DYNC2I2: variants seen among roughly 807,000 people sequenced by gnomAD.
DYNC2I2 encodes cytoplasmic dynein 2 intermediate chain 2.
DYNC2I2 carries 39 observed loss-of-function variants against 52.0 expected under a neutral mutation model. The ratio of observed to expected loss-of-function variants is 0.75; its 90% CI spans 0.58 to 0.98. DYNC2I2 has a LOEUF of 0.98. Ranked by LOEUF, DYNC2I2 falls within the 50% of genes least tolerant of loss-of-function variation. The pLI, the probability that DYNC2I2 is intolerant of heterozygous loss-of-function variation, is 0.00. For missense variants in DYNC2I2, 743 were observed against 728.4 expected, an observed-to-expected ratio of 1.02 and a Z score of -0.23; for synonymous variants, 359 against 321.1, an observed-to-expected ratio of 1.12 and a Z score of -1.26.
intron 1 of DYNC2I2, among the ~76,000 whole-genome samples, chr9:128,645,850 A>G (rs1445034123): frequency 1.3e-5 from 2 of 152,130 alleles, no homozygotes; most frequent in Non-Finnish European, 2.9e-5. Context: ...TAAAAGTGCT[A>G]CTCCAGGGAA....
the DYNC2I2 span, among the ~76,000 whole-genome samples, chr9:128,662,589 A>T: frequency 2.0e-5 from 3 of 148,568 alleles, no homozygotes; most frequent in South Asian, 4.3e-4. Flanking sequence ...TTATTTATTT[A>T]TTTTTTTGCA....
intron 3 of DYNC2I2, 67 bp downstream of exon 3, chr9:128,636,851 C>CAG (rs771063173): frequency 2.1e-5 from 27 of 1,262,792 alleles, no homozygotes; most frequent in Non-Finnish European, 3.0e-5. Context: ...TGTGCAGCTA[C>CAG]AGAGACAAGG....
the DYNC2I2 span, among the ~76,000 whole-genome samples, chr9:128,667,162 G>A: frequency 1.3e-5 from 2 of 151,570 alleles, no homozygotes; most frequent in African/African-American, 4.8e-5. Context: ...TCACGCCATT[G>A]CACTCCAGCC....
Position 128,635,763 on chromosome 9 carries a change from C to G in DYNC2I2, c.708G>C (p.Gly236=). ...ACACCAACACCTCACCACTGTACAG[C>G]CCTCCTGCAGGGACAGTGGACCTGG... ...HPTQPSHVAG[G]LYSGEVLVWD... is the part of the protein sequence containing the mutation. Residue 236 remains glycine (G), a synonymous_variant, in exon 5 of 9, where the codon GGG becomes GGC. Transcript: ENST00000372715. 1.2e-6 allele frequency: 2 copies of G among 1,611,646 alleles called. No homozygotes were observed. Among genetic ancestry groups the G allele is most frequent in the Non-Finnish European group, 1.7e-6 (2 of 1,178,860 alleles).
intron 1 of DYNC2I2, among the ~76,000 whole-genome samples, chr9:128,647,377 C>G (rs1306688614): frequency 6.6e-6 from 1 of 152,068 alleles, no homozygotes; most frequent in South Asian, 2.1e-4. Flanking sequence ...TCCTCACTTC[C>G]TAGGCCACTC....
intron 1 of DYNC2I2, among the ~76,000 whole-genome samples, chr9:128,655,322 AC>A (rs1264289567): frequency 2.1e-5 from 2 of 96,104 alleles, no homozygotes; most frequent in East Asian, 5.4e-4. Context: ...ACACGGTGAA[AC>A]CCCGTCTCTA....
At chr9:128,672,763 C>T in the DYNC2I2 span, among the ~76,000 whole-genome samples, 1 of 152,304 alleles carries the variant, frequency 6.6e-6, no homozygotes, top group South Asian at 2.1e-4. Flanking sequence ...CGCGGTGGCT[C>T]ACGCCTATAA....
At chr9:128,635,335 CCT>C (rs1301301401) in intron 5 of DYNC2I2, 76 bp from the exon 6 acceptor site, 8 of 1,497,712 alleles carry the variant, frequency 5.3e-6, no homozygotes, top group East Asian at 4.8e-5. Context: ...CCCTACCCTC[CCT>C]CTCTTCCAGG....
upstream of DYNC2I2, among the ~76,000 whole-genome samples, chr9:128,661,646 G>A (rs112344744): frequency 0.052 from 7,945 of 151,938 alleles, 255 homozygotes; most frequent in East Asian, 0.13. Flanking sequence ...AAAATTAGCC[G>A]GGCGTGGTGT....
chr9:128,671,470 C>CTT, the DYNC2I2 span, among the ~76,000 whole-genome samples: 557 of 107,648 alleles, frequency 5.2e-3, 1 homozygote, highest in East Asian at 6.8e-3. Context: ...CTGGCTAATT[C>CTT]TTTTTTTTTT....
intron 1 of DYNC2I2, among the ~76,000 whole-genome samples, chr9:128,642,453 CAAAA>C (rs34018869): frequency 1.1e-4 from 9 of 78,444 alleles, no homozygotes; most frequent in Non-Finnish European, 1.7e-4. Flanking sequence ...GAGACTTTCT[CAAAA>C]AAAAAAAAAA....
chr9:128,640,012 C>CTTTTTTTTTTTTT (rs71381781), intron 2 of DYNC2I2, among the ~76,000 whole-genome samples: 1 of 118,900 alleles, frequency 8.4e-6, no homozygotes, highest in Non-Finnish European at 1.6e-5. Context: ...AGGAGACATT[C>CTTTTTTTTTTTTT]TTTTTTTTTT....
In DYNC2I2 at chr9:128,633,990, G is replaced by A. The variant is rs1860271996; in HGVS notation, c.1373-8C>T. ...CAAACAGCTGCACGTCACCTGCAAA[G>A]AGAGACAGATACGTGGAGTAAGAGA... On this transcript the variant is annotated splice_region_variant and splice_polypyrimidine_tract_variant and intron_variant, in intron 8 of 8. Coordinates refer to ENST00000372715, the MANE Select transcript of DYNC2I2 (RefSeq NM_052844.4). 4 of 1,612,772 alleles carry A rather than the reference G, an allele frequency of 2.5e-6. No individual in the cohort carries two copies. The highest frequency in any genetic ancestry group is 2.2e-5 in the East Asian group (1 of 44,898).
Position 128,634,815 on chromosome 9 carries a change from G to T in DYNC2I2, c.1088C>A (p.Ser363Tyr). The T allele has an allele frequency of 2.5e-6, 4 of 1,613,248 alleles. No individual in the cohort carries two copies. The highest frequency in any genetic ancestry group is 8.5e-7 in the Non-Finnish European group (1 of 1,179,856). The change falls in exon 7 of 9, where the codon TCC (serine) becomes TAC (tyrosine). Residue 363 changes from serine to tyrosine, a missense_variant. Coordinates refer to ENST00000372715, the MANE Select transcript of DYNC2I2 (RefSeq NM_052844.4). ...GAGGGCTGCCTCTCCAGCTGCCAGG[G>T]AACACTTGAGCGGGAAGCCGCCTTC... ...GTEGGFPLKC[S>Y]LAAGEAALTR...
chr9:128,656,522 G>A lies in DYNC2I2; in HGVS notation c.186+19C>T. The A allele has an allele frequency of 3.9e-6, 5 of 1,294,314 alleles. No individual in the cohort carries two copies. Among genetic ancestry groups the A allele is most frequent in the Non-Finnish European group, 3.9e-6 (4 of 1,024,878 alleles). The allele number at this position is 1,294,314 out of a possible 1,614,324, so 80.2% of individuals were successfully genotyped here. A position where few individuals can be genotyped will look rare whatever the true frequency, so the allele number is the denominator to read the frequency against. On this transcript the variant is annotated intron_variant, in intron 1 of 8. Coordinates refer to ENST00000372715, the MANE Select transcript of DYNC2I2 (RefSeq NM_052844.4). ...CGCCTTCCCGCCCGCGTCGCTCCGC[G>A]CGGGGCCCGCGCCCTCACCGTCTCC...
intron 3 of DYNC2I2, 44 bp from the exon 4 acceptor site, chr9:128,636,482 C>A (rs1358036847): frequency 1.9e-6 from 3 of 1,555,198 alleles, no homozygotes; most frequent in African/African-American, 1.4e-5. Flanking sequence ...CTGGGTGGGG[C>A]TCCTATCACC....
intron 1 of DYNC2I2, among the ~76,000 whole-genome samples, chr9:128,644,410 G>T (rs1564342468): frequency 6.6e-6 from 1 of 151,876 alleles, no homozygotes; most frequent in Non-Finnish European, 1.5e-5. Context: ...AAGTAGCTGG[G>T]ACTACAGGTA....
At chr9:128,677,921 G>A in the DYNC2I2 span, among the ~76,000 whole-genome samples, 12 of 152,100 alleles carry the variant, frequency 7.9e-5, no homozygotes, top group Non-Finnish European at 1.5e-4. Context: ...CATGTGATTC[G>A]TTTATTGGGA....
rs371747861 is a variant in DYNC2I2 at position 128,634,352 on chromosome 9, G to A, written c.1246C>T (p.His416Tyr). ...NLFLSAGTDG[H>Y]VHLYSMLQAP... ...TGCAGCATGGAGTACAGGTGGACAT[G>A]CCCGTCAGTCCCAGCGCTCAGGAAG... Residue 416 changes from histidine (H) to tyrosine (Y), a missense_variant, in exon 8 of 9, where the codon CAT (histidine) becomes TAT (tyrosine). Coordinates refer to ENST00000372715, the MANE Select transcript of DYNC2I2 (RefSeq NM_052844.4). 33 of 1,605,482 alleles carry A rather than the reference G, an allele frequency of 2.1e-5. No individual in the cohort carries two copies. Among genetic ancestry groups the A allele is most frequent in the Middle Eastern group, 1.7e-4 (1 of 6,012 alleles).
Sources: gnomAD v4.1 joint callset for allele counts (sites outside exome capture counted in the v4.1 genomes callset) on GRCh38, gnomAD v4.1.1 for gene constraint, MANE v1.5 for transcripts, NCBI Gene and HGNC (gene_info 2026-07-23, HGNC 2026-07-21) for gene names.